NPR3: variants seen among roughly 807,000 people sequenced by gnomAD.
The protein encoded by NPR3 is natriuretic peptide receptor 3, also known as atrial natriuretic peptide receptor 3.
In NPR3, 34 loss-of-function variants were observed where a neutral mutation model predicts 54.5. The ratio of observed to expected loss-of-function variants is 0.62; its 90% CI spans 0.47 to 0.83. The LOEUF (loss-of-function observed/expected upper bound fraction) is 0.83. Among genes scored for constraint, NPR3 ranks in the 40% least tolerant of loss-of-function variants. NPR3 has a pLI of 0.00. For synonymous variants in NPR3, 289 were observed against 297.1 expected (o/e 0.97, Z 0.28); for missense variants, 674 against 720.8 (o/e 0.94, Z 0.74).
rs140902170 is a variant in NPR3 at position 32,782,687 on chromosome 5, T to A, written c.1291-206T>A. Reference sequence around the variant, plus strand: ...CCCCAGAACACACCATGACCATCAGTGTGGACAACCGAGGAACGTGCCCAA... The same window carrying A: ...CCCCAGAACACACCATGACCATCAGAGTGGACAACCGAGGAACGTGCCCAA... On this transcript the variant is annotated intron_variant, in intron 5 of 7. Transcript: ENST00000265074. Among the ~76,000 whole-genome samples the A allele has an allele frequency of 8.5e-4, 129 of 152,278 alleles. No individual in the cohort carries two copies. In the East Asian group the frequency reaches 0.024, roughly 28 times the overall value.
chr5:32,759,819 C>T (rs372535003), intron 3 of NPR3, among the ~76,000 whole-genome samples: 54 of 152,082 alleles, frequency 3.6e-4, no homozygotes, highest in Admixed American at 9.2e-4. Flanking sequence ...AAAATCTCTC[C>T]GCATTTGCTT....
chr5:32,756,816 A>G (rs1160908143), intron 3 of NPR3, among the ~76,000 whole-genome samples: 1 of 152,206 alleles, frequency 6.6e-6, no homozygotes, highest in Non-Finnish European at 1.5e-5. Context: ...TCAGCTTTCT[A>G]CATATGGCTA....
chr5:32,767,592 G>A (rs1160387582), intron 3 of NPR3, among the ~76,000 whole-genome samples: 1 of 152,176 alleles, frequency 6.6e-6, no homozygotes, highest in Admixed American at 6.5e-5. Flanking sequence ...GAAGGCTACT[G>A]TTCTGTGGAA....
At chr5:32,757,230 C>T (rs1047467981) in intron 3 of NPR3, among the ~76,000 whole-genome samples, 3 of 152,204 alleles carry the variant, frequency 2.0e-5, no homozygotes, top group Non-Finnish European at 4.4e-5. Flanking sequence ...TTCTTCCTAT[C>T]CATGAGCATG....
intron 1 of NPR3, among the ~76,000 whole-genome samples, chr5:32,717,335 T>A (rs1040316944): frequency 6.6e-6 from 1 of 152,154 alleles, no homozygotes; most frequent in East Asian, 1.9e-4. Context: ...GTCTTTATAG[T>A]AGCATGATTT....
At chr5:32,738,325 C>G (rs1275000141) in intron 2 of NPR3, among the ~76,000 whole-genome samples, 1 of 149,806 alleles carries the variant, frequency 6.7e-6, no homozygotes, top group Non-Finnish European at 1.5e-5. Context: ...GTGTGATGTT[C>G]CCCTCCCTGT....
At chr5:32,710,801 C>G, upstream of NPR3, 12 of 1,522,462 alleles carry the variant, frequency 7.9e-6, no homozygotes, top group Non-Finnish European at 1.1e-5. Context: ...CAAGCGGCAC[C>G]TAAGGATTTT....
rs537544863 is a variant in NPR3 at position 32,773,302 on chromosome 5, G to A, written c.1060-1406G>A. ...CTCTTGGTGTTTCAAGATTCAATTT[G>A]CTCATTTCATATCCAATAAATGTTA... is the stretch of plus-strand genomic sequence containing the variant. On this transcript the variant is annotated intron_variant, in intron 3 of 7. Transcript: ENST00000265074. 2.6e-5 allele frequency among the ~76,000 whole-genome samples: 4 copies of A among 152,208 alleles called. No individual in the cohort carries two copies. The South Asian group carries it at 6.2e-4, about 24-fold the overall frequency.
chr5:32,720,169 C>T (rs1039630140), intron 1 of NPR3, among the ~76,000 whole-genome samples: 1 of 152,106 alleles, frequency 6.6e-6, no homozygotes, highest in Admixed American at 6.5e-5. Flanking sequence ...AAAAGAAGCC[C>T]ATGATGTGTG....
intron 3 of NPR3, among the ~76,000 whole-genome samples, chr5:32,762,262 A>G (rs1051003924): frequency 6.6e-6 from 1 of 152,010 alleles, no homozygotes; most frequent in Non-Finnish European, 1.5e-5. Context: ...ATACATGTGC[A>G]TGTGTCTTTA....
At chr5:32,736,124 G>A (rs1214216616) in intron 2 of NPR3, among the ~76,000 whole-genome samples, 4 of 151,332 alleles carry the variant, frequency 2.6e-5, no homozygotes, top group Non-Finnish European at 4.4e-5. Context: ...CCAGCTACTC[G>A]GGAGGCTGAG....
chr5:32,714,540 T>A (rs905034316), intron 1 of NPR3, among the ~76,000 whole-genome samples: 1 of 148,008 alleles, frequency 6.8e-6, no homozygotes, highest in Non-Finnish European at 1.5e-5. Flanking sequence ...CATTGAGGGG[T>A]GAAAGTTTGC....
chr5:32,738,713 T>A, intron 2 of NPR3, 151 bp from the exon 3 acceptor site: 1 of 622,846 alleles, frequency 1.6e-6, no homozygotes, highest in South Asian at 2.1e-5. Flanking sequence ...GTCTTGACGT[T>A]GTCCCATCAT....
chr5:32,786,386 T>A lies in NPR3; in HGVS notation c.*41T>A. 1.3e-6 allele frequency: 1 copy of A among 793,674 alleles called. No homozygotes were observed. The highest frequency in any genetic ancestry group is 1.5e-5 in the South Asian group (1 of 65,932). The allele number at this position is 793,674 out of a possible 1,614,324, so 49.2% of individuals were successfully genotyped here. ...TTTTTTTTTTCTGCCTGAGATTCTT[T>A]AAGGAGATAGACGGGTTGAAAGACA... On this transcript the variant is annotated 3_prime_UTR_variant, in exon 8 of 8. Coordinates refer to ENST00000265074, the MANE Select transcript of NPR3 (RefSeq NM_001204375.2).
upstream of NPR3, among the ~76,000 whole-genome samples, chr5:32,707,450 AT>A (rs892498614): frequency 5.9e-5 from 9 of 152,072 alleles, no homozygotes; most frequent in African/African-American, 1.4e-4. Flanking sequence ...GCATCCATTG[AT>A]TTTTTTTCCC....
rs1326455236 is a variant in NPR3, at chr5:32,696,069, G to T, written c.100+6883G>T. Among the ~76,000 whole-genome samples the T allele has an allele frequency of 2.6e-5, 4 of 152,292 alleles. No individual in the cohort carries two copies. The South Asian group carries it at 6.2e-4, about 24-fold the overall frequency. ...TTTTTTGCTTTGGTTGCTTGTGCTT[G>T]TGGGGTATTACTCAAGAAATCTTTG... On this transcript the variant is annotated intron_variant, in intron 1 of 5. Transcript: ENST00000509104.
At chr5:32,691,737 G>A (rs767652742) in intron 1 of NPR3, among the ~76,000 whole-genome samples, 10 of 152,224 alleles carry the variant, frequency 6.6e-5, no homozygotes, top group Non-Finnish European at 1.3e-4. Flanking sequence ...GCTCACGTAA[G>A]TCTAAAAGGG....
At position 32,786,395 on chromosome 5, in the gene NPR3, A is replaced by G; in HGVS notation, c.*50A>G. 1.3e-6 allele frequency: 1 copy of G among 751,990 alleles called. No homozygotes were observed. Among genetic ancestry groups the G allele is most frequent in the South Asian group, 1.6e-5 (1 of 63,018 alleles). The allele number at this position is 751,990 out of a possible 1,614,324, so 46.6% of individuals were successfully genotyped here. A position where few individuals can be genotyped will look rare whatever the true frequency, so the allele number is the denominator to read the frequency against. ...TCTGCCTGAGATTCTTTAAGGAGAT[A>G]GACGGGTTGAAAGACATCAATGAAA... On this transcript the variant is annotated 3_prime_UTR_variant, in exon 8 of 8. Coordinates refer to ENST00000265074, the MANE Select transcript of NPR3 (RefSeq NM_001204375.2).
chr5:32,717,952 T>C (rs1272664992), intron 1 of NPR3, among the ~76,000 whole-genome samples: 1 of 152,216 alleles, frequency 6.6e-6, no homozygotes, highest in African/African-American at 2.4e-5. Flanking sequence ...CTGAAAGGTA[T>C]TGCCTAAGTC....
Sources: gnomAD v4.1 joint callset for allele counts (sites outside exome capture counted in the v4.1 genomes callset) on GRCh38, gnomAD v4.1.1 for gene constraint, MANE v1.5 for transcripts, NCBI Gene and HGNC (gene_info 2026-07-23, HGNC 2026-07-21) for gene names.